Variants in SYN3 observed in about 807,000 individuals in gnomAD.
SYN3 encodes the protein synapsin-3.
A neutral mutation model predicts 65.8 loss-of-function variants in SYN3; 35 were observed. The ratio of observed to expected loss-of-function variants is 0.53; its 90% CI spans 0.41 to 0.70. The LOEUF is 0.70. Ranked by LOEUF, SYN3 falls within the 30% of genes least tolerant of loss-of-function variation. SYN3 has a pLI of 0.00. For synonymous variants in SYN3, 270 were observed against 292.9 expected (o/e 0.92, Z 0.80); for missense variants, 680 against 749.0 (o/e 0.91, Z 1.08).
At chr22:32,897,220 C>T (rs932348129) in intron 4 of SYN3, among the ~76,000 whole-genome samples, 5 of 152,114 alleles carry the variant, frequency 3.3e-5, no homozygotes, top group East Asian at 1.9e-4. Context: ...ATAAGAGTGC[C>T]GGCAGACCTG....
At chr22:32,590,791 C>T (rs142413271) in intron 7 of SYN3, among the ~76,000 whole-genome samples, 358 of 152,304 alleles carry the variant, frequency 2.4e-3, no homozygotes, top group African/African-American at 8.0e-3. Flanking sequence ...CTATTTTCAT[C>T]TATTTATTTG....
At chr22:32,538,542 T>G (rs1419830991) in intron 8 of SYN3, among the ~76,000 whole-genome samples, 1 of 152,204 alleles carries the variant, frequency 6.6e-6, no homozygotes. Context: ...GAAGGCCTTC[T>G]GGTCTCTGAC....
chr22:32,806,895 A>G (rs1203301663), intron 6 of SYN3, among the ~76,000 whole-genome samples: 1 of 151,948 alleles, frequency 6.6e-6, no homozygotes, highest in Non-Finnish European at 1.5e-5. Context: ...ATACATTTAC[A>G]TACATAGGTA....
intron 4 of SYN3, among the ~76,000 whole-genome samples, chr22:32,887,403 T>G (rs1280177691): frequency 2.7e-5 from 4 of 150,016 alleles, no homozygotes; most frequent in Admixed American, 2.0e-4. Flanking sequence ...AAGAACTGTG[T>G]GCAACTTCCC....
intron 3 of SYN3, among the ~76,000 whole-genome samples, chr22:32,966,524 G>T (rs1159495210): frequency 1.3e-5 from 2 of 152,176 alleles, no homozygotes; most frequent in African/African-American, 2.4e-5. Flanking sequence ...CTAATGCACA[G>T]GTCAGCCCTT....
intron 7 of SYN3, among the ~76,000 whole-genome samples, chr22:32,551,311 T>C (rs1488423943): frequency 2.0e-5 from 3 of 152,112 alleles, no homozygotes; most frequent in Non-Finnish European, 4.4e-5. Context: ...CAGTCAGATG[T>C]GATGCAAGAT....
intron 6 of SYN3, among the ~76,000 whole-genome samples, chr22:32,841,837 TTAAAA>T (rs1191842266): frequency 6.6e-6 from 1 of 151,956 alleles, no homozygotes; most frequent in Non-Finnish European, 1.5e-5. Context: ...ACCCCAGAAC[TTAAAA>T]TAAAAATACA....
chr22:32,780,078 A>AAAAAAAAAAAAAAAG (rs1359453939), intron 6 of SYN3, among the ~76,000 whole-genome samples: 2,839 of 51,644 alleles, frequency 0.055, 268 homozygotes, highest in African/African-American at 0.15. Context: ...CAAAAAAAAA[A>AAAAAAAAAAAAAAAG]AGAGAGAGAA....
chr22:33,053,577 G>C (rs1198376984), intron 1 of SYN3, among the ~76,000 whole-genome samples: 2 of 152,186 alleles, frequency 1.3e-5, no homozygotes, highest in African/African-American at 4.8e-5. Context: ...AGAAAACATA[G>C]ACTCTCTTGA....
In SYN3 at chr22:32,628,453, G is replaced by C. The variant is rs182775896; in HGVS notation, c.712-31717C>G. Among the ~76,000 whole-genome samples, 56 of 152,256 alleles carry C rather than the reference G, an allele frequency of 3.7e-4. 1 individual carries two copies. The East Asian group carries it at 9.7e-3, about 26-fold the overall frequency. On this transcript the variant is annotated intron_variant, in intron 6 of 13. Transcript: ENST00000358763. Reference sequence around the variant, plus strand: ...CAGCTGGATTACCTGCTCCTGCCTGGGGATTTCTCTACATTCCCAAGCTGG... The same window carrying C: ...CAGCTGGATTACCTGCTCCTGCCTGCGGATTTCTCTACATTCCCAAGCTGG...
chr22:32,579,870 G>A (rs1348910588), intron 7 of SYN3, among the ~76,000 whole-genome samples: 1 of 152,206 alleles, frequency 6.6e-6, no homozygotes, highest in East Asian at 1.9e-4. Flanking sequence ...TCCTTCTGTT[G>A]TTATTGAGCT....
chr22:33,014,328 G>C (rs1425850717), intron 1 of SYN3: 1 of 152,072 alleles, frequency 6.6e-6, no homozygotes, highest in African/African-American at 2.4e-5. Flanking sequence ...TTAGCTACTG[G>C]GTATAATGCT....
intron 3 of SYN3, among the ~76,000 whole-genome samples, chr22:32,973,421 G>C (rs61226089): frequency 0.028 from 4,267 of 151,850 alleles, 214 homozygotes; most frequent in African/African-American, 0.096. Flanking sequence ...TTTTACCCCC[G>C]CCAAAAAAGA....
At chr22:32,948,072 T>C (rs972703339) in intron 3 of SYN3, among the ~76,000 whole-genome samples, 1 of 152,186 alleles carries the variant, frequency 6.6e-6, no homozygotes, top group African/African-American at 2.4e-5. Flanking sequence ...TTCAAACTAG[T>C]AATGGCACAC....
intron 6 of SYN3, among the ~76,000 whole-genome samples, chr22:32,634,446 G>C (rs185973037): frequency 1.5e-4 from 23 of 152,308 alleles, no homozygotes; most frequent in Admixed American, 1.2e-3. Context: ...AGGCAACGTA[G>C]AGATAGTGCA....
intron 6 of SYN3, among the ~76,000 whole-genome samples, chr22:32,830,415 G>A (rs2047538659): frequency 6.6e-6 from 1 of 152,174 alleles, no homozygotes; most frequent in African/African-American, 2.4e-5. Flanking sequence ...TCTATAGCTA[G>A]GAGGAGCTGG....
At position 32,599,556 on chromosome 22, in the gene SYN3, C is replaced by T. The variant is rs967859503; in HGVS notation, c.712-2820G>A. Among the ~76,000 whole-genome samples, 6 of 151,896 alleles carry T rather than the reference C, an allele frequency of 4.0e-5. No individual in the cohort carries two copies. The South Asian group carries it at 6.2e-4, about 16-fold the overall frequency. On this transcript the variant is annotated intron_variant, in intron 6 of 13. Transcript: ENST00000358763. ...CAGGATGGTCTCGATCTCCTGACCT[C>T]GTGATCCGCCCGCCTCAGCCTCCCA...
chr22:32,859,482 C>A lies in SYN3; in HGVS notation c.711+5433G>T, dbSNP rs577017044. 26 of 1,366,204 alleles carry A rather than the reference C, an allele frequency of 1.9e-5. No homozygotes were observed. In the East Asian group the frequency reaches 6.5e-4, roughly 34 times the overall value. 84.6% of individuals were successfully genotyped at this position (1,366,204 alleles called of 1,614,324 possible). A position where few individuals can be genotyped will look rare whatever the true frequency, so the allele number is the denominator to read the frequency against. On this transcript the variant is annotated intron_variant, in intron 6 of 13. Transcript: ENST00000358763. ...AATGAAATTAGTGCCTGTTTTCTTG[C>A]AAATTTAGCACTTGGAACATTTAAA...
intron 6 of SYN3, among the ~76,000 whole-genome samples, chr22:32,631,863 A>G (rs1239333710): frequency 6.6e-6 from 1 of 152,110 alleles, no homozygotes; most frequent in Non-Finnish European, 1.5e-5. Flanking sequence ...AGACTCCAGC[A>G]CCTCCACTCT....
Sources: gnomAD v4.1 joint callset for allele counts (sites outside exome capture counted in the v4.1 genomes callset) on GRCh38, gnomAD v4.1.1 for gene constraint, MANE v1.5 for transcripts, NCBI Gene and HGNC (gene_info 2026-07-23, HGNC 2026-07-21) for gene names.